Variants in NECAB1 observed in about 807,000 individuals in gnomAD.
NECAB1 encodes the protein N-terminal EF-hand calcium-binding protein 1.
Under a neutral mutation model 57.5 loss-of-function variants are expected in NECAB1, and 29 were observed. The ratio of observed to expected loss-of-function variants is 0.50; its 90% CI spans 0.38 to 0.69. The LOEUF (loss-of-function observed/expected upper bound fraction) is 0.69. NECAB1 is among the 30% of genes least tolerant of loss of function. NECAB1 has a pLI of 0.00. For missense variants in NECAB1, 372 were observed against 413.8 expected, an observed-to-expected ratio of 0.90 and a Z score of 0.88; for synonymous variants, 142 against 147.7, an observed-to-expected ratio of 0.96 and a Z score of 0.28.
At chr8:90,929,313 A>T (rs1303234179) in intron 8 of NECAB1, among the ~76,000 whole-genome samples, 3 of 152,198 alleles carry the variant, frequency 2.0e-5, no homozygotes, top group African/African-American at 2.4e-5. Flanking sequence ...GGCCTTAAAA[A>T]TGGTGACTTA....
In NECAB1 at chr8:90,853,342, G is replaced by T. The variant is rs574312998; in HGVS notation, c.234-18786G>T. Among the ~76,000 whole-genome samples, 65 of 152,370 alleles carry T rather than the reference G, an allele frequency of 4.3e-4. 1 individual carries two copies. The East Asian group carries it at 0.011, about 25-fold the overall frequency. ...CGGGCTGGGTAAATGAGGCAACACT[G>T]CAGTGAGTCCCATGAATGGGACAGG... On this transcript the variant is annotated intron_variant, in intron 3 of 12. Coordinates refer to ENST00000417640, the MANE Select transcript of NECAB1 (RefSeq NM_022351.5).
At chr8:90,829,467 C>T (rs1015248747) in intron 3 of NECAB1, among the ~76,000 whole-genome samples, 8 of 152,026 alleles carry the variant, frequency 5.3e-5, no homozygotes, top group African/African-American at 1.9e-4. Flanking sequence ...TCCCAGCACA[C>T]TGCACTTTGG....
intron 6 of NECAB1, 110 bp downstream of exon 6, chr8:90,917,738 T>C (rs1412002781): frequency 1.3e-5 from 14 of 1,064,708 alleles, no homozygotes; most frequent in Non-Finnish European, 1.8e-5. Context: ...AGAATTGATA[T>C]ATTTAAAAAG....
chr8:90,948,789 G>A (rs1008374448), intron 10 of NECAB1, among the ~76,000 whole-genome samples: 1 of 152,054 alleles, frequency 6.6e-6, no homozygotes, highest in Non-Finnish European at 1.5e-5. Context: ...CTTTCCAGCT[G>A]TTCTTTCTAC....
intron 5 of NECAB1, among the ~76,000 whole-genome samples, chr8:90,907,199 C>T (rs1225199811): frequency 8.1e-6 from 1 of 123,516 alleles, no homozygotes; most frequent in Non-Finnish European, 1.6e-5. Flanking sequence ...AATTAGTAGA[C>T]TGCATTGTTT....
chr8:90,832,254 C>T (rs1440202215), intron 3 of NECAB1, among the ~76,000 whole-genome samples: 8 of 152,116 alleles, frequency 5.3e-5, no homozygotes, highest in Non-Finnish European at 1.2e-4. Context: ...CCTAGGAAGG[C>T]ATTTCACTGG....
At chr8:90,845,464 A>T (rs1812537863) in intron 3 of NECAB1, among the ~76,000 whole-genome samples, 1 of 152,170 alleles carries the variant, frequency 6.6e-6, no homozygotes, top group Non-Finnish European at 1.5e-5. Context: ...AATTAGAACT[A>T]CCCAGTATGC....
chr8:90,855,307 T>C (rs894705642), intron 3 of NECAB1, among the ~76,000 whole-genome samples: 2 of 151,972 alleles, frequency 1.3e-5, no homozygotes, highest in Non-Finnish European at 2.9e-5. Context: ...GAGTAAGGAA[T>C]AGCCTTTCTG....
At chr8:90,819,331 GC>G (rs1229475986) in intron 2 of NECAB1, among the ~76,000 whole-genome samples, 2 of 151,856 alleles carry the variant, frequency 1.3e-5, no homozygotes, top group Non-Finnish European at 2.9e-5. Context: ...TTCAGACTGT[GC>G]TTTTCCTTGC....
At chr8:90,874,960 C>T (rs952275116) in intron 4 of NECAB1, among the ~76,000 whole-genome samples, 1 of 130,134 alleles carries the variant, frequency 7.7e-6, no homozygotes, top group Non-Finnish European at 1.6e-5. Context: ...TTTTTTTTGC[C>T]GTATCTTATC....
chr8:90,806,279 AGCCT>A (rs1811845570), intron 2 of NECAB1, among the ~76,000 whole-genome samples: 1 of 152,176 alleles, frequency 6.6e-6, no homozygotes, highest in African/African-American at 2.4e-5. Context: ...CCAATCCAGC[AGCCT>A]GCACGTATTA....
At position 90,951,249 on chromosome 8, in the gene NECAB1, T is replaced by C. The variant is rs182663562; in HGVS notation, c.1030+45T>C. The C allele has an allele frequency of 1.0e-4, 118 of 1,137,456 alleles. No individual in the cohort carries two copies. The African/African-American group carries it at 1.4e-3, about 14-fold the overall frequency. 70.5% of individuals were successfully genotyped at this position (1,137,456 alleles called of 1,614,324 possible). On this transcript the variant is annotated intron_variant, in intron 12 of 12. Coordinates refer to ENST00000417640, the MANE Select transcript of NECAB1 (RefSeq NM_022351.5). ...AATGCTTCTGTGTCCTTTTGTATTTTTGTTTGTTTGTTTCGTAAAAGATAG... is the reference window on the plus strand; with the variant it reads ...AATGCTTCTGTGTCCTTTTGTATTTCTGTTTGTTTGTTTCGTAAAAGATAG...
intron 2 of NECAB1, chr8:90,813,230 T>TAC (rs760365199): frequency 7.5e-4 from 104 of 138,632 alleles, no homozygotes; most frequent in African/African-American, 2.7e-3. Context: ...TATATATGTA[T>TAC]ATATACACAC....
chr8:90,917,187 A>AT (rs1225942628), intron 5 of NECAB1, among the ~76,000 whole-genome samples: 4 of 151,928 alleles, frequency 2.6e-5, no homozygotes, highest in Non-Finnish European at 5.9e-5. Flanking sequence ...CCGGATATTT[A>AT]TTTTTTCTTT....
chr8:90,829,521 C>T (rs890772863), intron 3 of NECAB1, among the ~76,000 whole-genome samples: 20 of 152,150 alleles, frequency 1.3e-4, no homozygotes, highest in South Asian at 6.2e-4. Flanking sequence ...ACCAGATGGA[C>T]GTTTCACTTC....
At chr8:90,895,346 T>A (rs1809298719) in intron 5 of NECAB1, among the ~76,000 whole-genome samples, 1 of 152,102 alleles carries the variant, frequency 6.6e-6, no homozygotes, top group African/African-American at 2.4e-5. Flanking sequence ...TGTCTCTGAA[T>A]CCCAGAGAAA....
chr8:90,801,442 T>C (rs73695930), intron 1 of NECAB1, among the ~76,000 whole-genome samples: 1,611 of 152,336 alleles, frequency 0.011, 23 homozygotes, highest in African/African-American at 0.036. Context: ...CTCATTCATT[T>C]TTATTGCTCA....
chr8:90,933,501 T>A (rs1810458206), intron 8 of NECAB1, among the ~76,000 whole-genome samples: 2 of 152,124 alleles, frequency 1.3e-5, no homozygotes, highest in Non-Finnish European at 2.9e-5. Context: ...TTCTATATTC[T>A]CACTCATAAG....
chr8:90,811,565 T>A (rs1238020729), intron 2 of NECAB1, among the ~76,000 whole-genome samples: 3 of 152,234 alleles, frequency 2.0e-5, no homozygotes, highest in African/African-American at 7.2e-5. Context: ...AGAAAACTAA[T>A]TCAGATTAAA....
Sources: gnomAD v4.1 joint callset for allele counts (sites outside exome capture counted in the v4.1 genomes callset) on GRCh38, gnomAD v4.1.1 for gene constraint, MANE v1.5 for transcripts, NCBI Gene and HGNC (gene_info 2026-07-23, HGNC 2026-07-21) for gene names.